PALM2AKAP2: variants seen among roughly 807,000 people sequenced by gnomAD.
PALM2AKAP2 encodes PALM2 and AKAP2 fusion, also known as PALM2-AKAP2 fusion protein.
Under a neutral mutation model 71.5 loss-of-function variants are expected in PALM2AKAP2, and 37 were observed. The ratio of observed to expected loss-of-function variants is 0.52; its 90% CI spans 0.40 to 0.68. The LOEUF (loss-of-function observed/expected upper bound fraction) is 0.68. PALM2AKAP2 is among the 30% of genes least tolerant of loss of function. PALM2AKAP2 has a pLI of 0.00. For synonymous variants in PALM2AKAP2, 468 were observed against 478.8 expected, an observed-to-expected ratio of 0.98 and a Z score of 0.29; for missense variants, 1,224 against 1,191.8, an observed-to-expected ratio of 1.03 and a Z score of -0.40.
chr9:109,968,479 G>A (rs1831998971), intron 6 of PALM2AKAP2, among the ~76,000 whole-genome samples: 1 of 152,132 alleles, frequency 6.6e-6, no homozygotes, highest in Non-Finnish European at 1.5e-5. Flanking sequence ...GGTTTTCTCC[G>A]AAGACGTCTA....
At chr9:109,784,676 G>A (rs1826914959) in intron 1 of PALM2AKAP2, among the ~76,000 whole-genome samples, 1 of 152,216 alleles carries the variant, frequency 6.6e-6, no homozygotes, top group African/African-American at 2.4e-5. Flanking sequence ...TCTAGAACTG[G>A]TCTAACATTA....
At chr9:109,811,422 TAAC>T (rs1267247993) in intron 1 of PALM2AKAP2, among the ~76,000 whole-genome samples, 2 of 152,128 alleles carry the variant, frequency 1.3e-5, no homozygotes, top group Non-Finnish European at 2.9e-5. Context: ...TTATTTGACT[TAAC>T]AAACTGGACT....
intron 1 of PALM2AKAP2, among the ~76,000 whole-genome samples, chr9:109,670,496 C>T (rs1564107716): frequency 1.3e-5 from 2 of 152,156 alleles, no homozygotes; most frequent in Non-Finnish European, 2.9e-5. Context: ...ATCTGTAACA[C>T]ATTTTCTTTA....
chr9:109,822,095 G>A (rs1828021607), intron 1 of PALM2AKAP2, among the ~76,000 whole-genome samples: 1 of 152,226 alleles, frequency 6.6e-6, no homozygotes, highest in African/African-American at 2.4e-5. Flanking sequence ...GGGTTCTAAG[G>A]CATAGAGACA....
At chr9:110,143,713 T>C (rs936801209) in intron 2 of PALM2AKAP2, among the ~76,000 whole-genome samples, 2 of 152,180 alleles carry the variant, frequency 1.3e-5, no homozygotes, top group African/African-American at 4.8e-5. Context: ...ATTTGTTTGG[T>C]TTTTTGAGAG....
intron 6 of PALM2AKAP2, among the ~76,000 whole-genome samples, chr9:109,977,848 TC>T (rs1324250314): frequency 6.6e-6 from 1 of 152,032 alleles, no homozygotes; most frequent in African/African-American, 2.4e-5. Context: ...CTGTTTTCAG[TC>T]CCACCTTGAA....
At chr9:110,000,594 T>C (rs1160577018) in intron 6 of PALM2AKAP2, among the ~76,000 whole-genome samples, 2 of 152,250 alleles carry the variant, frequency 1.3e-5, no homozygotes, top group Non-Finnish European at 2.9e-5. Flanking sequence ...CCACACTGAC[T>C]TCCACAATGG....
At chr9:109,795,267 C>T (rs1380406271) in intron 1 of PALM2AKAP2, among the ~76,000 whole-genome samples, 1 of 152,192 alleles carries the variant, frequency 6.6e-6, no homozygotes, top group East Asian at 1.9e-4. Flanking sequence ...TTGAAAATCA[C>T]TGATGTAGTA....
chr9:109,995,596 G>A (rs115724309), intron 6 of PALM2AKAP2, among the ~76,000 whole-genome samples: 2,402 of 152,294 alleles, frequency 0.016, 66 homozygotes, highest in African/African-American at 0.055. Context: ...CAGGCAAAGA[G>A]AGCATGTGCA....
intron 1 of PALM2AKAP2, among the ~76,000 whole-genome samples, chr9:110,072,857 C>T (rs1424488667): frequency 1.3e-5 from 2 of 152,168 alleles, no homozygotes; most frequent in Non-Finnish European, 2.9e-5. Flanking sequence ...CCCAAATGCC[C>T]CTTTTCCTCT....
In PALM2AKAP2 at chr9:110,088,718, T is replaced by G. The variant is rs868037949; in HGVS notation, c.156+39863T>G. ...GCATTTACGTGTTTTTTTTTTTTTT[T>G]TTTTTTTTTTTTTTTTTCTGAGACA... is the stretch of plus-strand genomic sequence containing the variant. On this transcript the variant is annotated intron_variant, in intron 1 of 3. Coordinates refer to ENST00000374525, the Ensembl canonical transcript of PALM2AKAP2. Among the ~76,000 whole-genome samples the G allele has an allele frequency of 2.2e-4, 22 of 99,436 alleles. No individual in the cohort carries two copies. In the East Asian group the frequency reaches 3.8e-3, roughly 17 times the overall value. 65.2% of individuals were successfully genotyped at this position (99,436 alleles called of 152,430 possible).
intron 1 of PALM2AKAP2, among the ~76,000 whole-genome samples, chr9:110,072,491 C>T (rs1834226382): frequency 6.6e-6 from 1 of 152,146 alleles, no homozygotes; most frequent in Non-Finnish European, 1.5e-5. Context: ...TAAAGGCAGA[C>T]TTTAAAGGAA....
intron 2 of PALM2AKAP2, among the ~76,000 whole-genome samples, chr9:110,150,341 G>A (rs542832618): frequency 2.6e-4 from 39 of 152,324 alleles, no homozygotes; most frequent in African/African-American, 8.9e-4. Context: ...TAAAATCAAG[G>A]TGTCAGTGGG....
chr9:109,734,977 T>TGGGA (rs1416888091), intron 1 of PALM2AKAP2, among the ~76,000 whole-genome samples: 2 of 152,012 alleles, frequency 1.3e-5, no homozygotes, highest in Non-Finnish European at 2.9e-5. Context: ...TCAACTGACT[T>TGGGA]GGGAAGAAAA....
intron 1 of PALM2AKAP2, among the ~76,000 whole-genome samples, chr9:109,806,843 A>T (rs969612980): frequency 1.3e-5 from 2 of 152,196 alleles, no homozygotes; most frequent in Non-Finnish European, 2.9e-5. Flanking sequence ...TACCGTGGTA[A>T]GGATGTTGGC....
intron 6 of PALM2AKAP2, among the ~76,000 whole-genome samples, chr9:110,015,464 G>A (rs533710516): frequency 2.5e-3 from 388 of 152,230 alleles, no homozygotes; most frequent in Non-Finnish European, 4.4e-3. Flanking sequence ...GTCAGGTGTG[G>A]TGGCGGGTGC....
chr9:109,710,452 C>T (rs1231293272), intron 1 of PALM2AKAP2, among the ~76,000 whole-genome samples: 1 of 152,184 alleles, frequency 6.6e-6, no homozygotes, highest in African/African-American at 2.4e-5. Flanking sequence ...AAGGAGTCAG[C>T]ATTTGGTAAC....
chr9:109,783,903 C>T (rs544161160), intron 1 of PALM2AKAP2, among the ~76,000 whole-genome samples: 15 of 152,256 alleles, frequency 9.9e-5, no homozygotes, highest in African/African-American at 2.4e-4. Flanking sequence ...GTGGAATATC[C>T]GCCCCCACCA....
At chr9:109,725,041 A>G (rs973012001) in intron 1 of PALM2AKAP2, among the ~76,000 whole-genome samples, 1 of 152,190 alleles carries the variant, frequency 6.6e-6, no homozygotes, top group African/African-American at 2.4e-5. Context: ...TTTATACAAG[A>G]AGAAATGCAA....
Sources: gnomAD v4.1 joint callset for allele counts (sites outside exome capture counted in the v4.1 genomes callset) on GRCh38, gnomAD v4.1.1 for gene constraint, MANE v1.5 for transcripts, NCBI Gene and HGNC (gene_info 2026-07-23, HGNC 2026-07-21) for gene names.